DEPDC5: variants seen among roughly 807,000 people sequenced by gnomAD.
DEPDC5 encodes the protein GATOR1 complex protein DEPDC5.
Under a neutral mutation model 217.3 loss-of-function variants are expected in DEPDC5, and 73 were observed. The ratio of observed to expected loss-of-function variants is 0.34; its 90% CI spans 0.28 to 0.41. DEPDC5 has a LOEUF of 0.41. Among genes scored for constraint, DEPDC5 ranks in the 10% least tolerant of loss-of-function variants. DEPDC5 has a pLI of 1.00. For synonymous variants in DEPDC5, 733 were observed against 756.7 expected (o/e 0.97, Z 0.51); for missense variants, 1,675 against 2,070.1 (o/e 0.81, Z 3.70).
intron 38 of DEPDC5, among the ~76,000 whole-genome samples, chr22:31,885,058 T>C (rs1036764764): frequency 6.6e-6 from 1 of 152,200 alleles, no homozygotes; most frequent in Admixed American, 6.5e-5. Flanking sequence ...ACCTCTGCAC[T>C]GGCCTCCTGG....
intron 15 of DEPDC5, 122 bp from the exon 16 acceptor site, chr22:31,804,040 A>G (rs1359352430): frequency 1.0e-5 from 9 of 882,720 alleles, no homozygotes; most frequent in Admixed American, 2.2e-5. Context: ...CTATGAGGTT[A>G]TAAATCATAC....
Position 31,901,522 on chromosome 22 carries a change from A to G in DEPDC5, c.4376-220A>G, listed in dbSNP as rs1388676828. Among the ~76,000 whole-genome samples, 3 of 152,204 alleles carry G rather than the reference A, an allele frequency of 2.0e-5. No homozygotes were observed. The East Asian group carries it at 5.8e-4, about 29-fold the overall frequency. ...GGACTTCACCTTCCTAGACCCAGCTATAGCTTGCTTGGGGGAAGGGATGGT... is the reference window on the plus strand; with the variant it reads ...GGACTTCACCTTCCTAGACCCAGCTGTAGCTTGCTTGGGGGAAGGGATGGT... On this transcript the variant is annotated intron_variant, in intron 40 of 42. Transcript: ENST00000651528.
At position 31,815,359 on chromosome 22, in the gene DEPDC5, C is replaced by T. The variant is rs368935133; in HGVS notation, c.1666+147C>T. ...GTGCAGTAGGTACAAATCACTTTAG[C>T]TGTTAGCTATGTATATATTATACTT... On this transcript the variant is annotated intron_variant, in intron 21 of 42. Transcript: ENST00000651528. 82 of 771,396 alleles carry T rather than the reference C, an allele frequency of 1.1e-4. 1 individual carries two copies. The highest frequency in any genetic ancestry group is 2.4e-4 in the Middle Eastern group (1 of 4,194). The allele number at this position is 771,396 out of a possible 1,614,324, so 47.8% of individuals were successfully genotyped here. A position where few individuals can be genotyped will look rare whatever the true frequency, so the allele number is the denominator to read the frequency against.
At chr22:31,758,473 A>G in intron 2 of DEPDC5, 73 bp from the exon 3 acceptor site, 1 of 1,390,948 alleles carries the variant, frequency 7.2e-7, no homozygotes, top group Non-Finnish European at 1.0e-6. Context: ...TGGGGTTGTG[A>G]GGAACCAGTA....
chr22:31,813,578 G>A lies in DEPDC5; in HGVS notation c.1446-1414G>A, dbSNP rs528121736. 2.6e-4 allele frequency among the ~76,000 whole-genome samples: 40 copies of A among 152,052 alleles called. No homozygotes were observed. The South Asian group carries it at 4.4e-3, about 17-fold the overall frequency. ...GCCCCGTTGGTGGGCTTGCTTTTTC[G>A]TTCTGAGCTTTTGCTTCTCTATAGG... On this transcript the variant is annotated intron_variant, in intron 20 of 42. Transcript: ENST00000651528.
chr22:31,888,244 T>G (rs55880884), intron 38 of DEPDC5, among the ~76,000 whole-genome samples: 2,559 of 134,772 alleles, frequency 0.019, 33 homozygotes, highest in Middle Eastern at 0.047. Context: ...TCTGTGGTTT[T>G]TTTTTTTTTT....
chr22:31,850,822 G>C (rs932320381), intron 31 of DEPDC5, among the ~76,000 whole-genome samples: 3 of 152,174 alleles, frequency 2.0e-5, no homozygotes, highest in African/African-American at 7.2e-5. Context: ...TGTAATCCCA[G>C]CACTTTGGGA....
chr22:31,805,670 T>G lies in DEPDC5; in HGVS notation c.1218-452T>G, dbSNP rs573397103. ...TGCCTGCCGCCACGCCCGGCTAATT[T>G]TTGTATTTTTAGTAGAAACGAGATT... is the stretch of plus-strand genomic sequence containing the variant. On this transcript the variant is annotated intron_variant, in intron 17 of 42. Coordinates refer to ENST00000651528, the MANE Select transcript of DEPDC5 (RefSeq NM_001242896.3). 7.9e-5 allele frequency among the ~76,000 whole-genome samples: 12 copies of G among 152,242 alleles called. No homozygotes were observed. In the South Asian group the frequency reaches 2.5e-3, roughly 32 times the overall value.
At chr22:31,761,947 G>A (rs1288048963) in intron 4 of DEPDC5, among the ~76,000 whole-genome samples, 19 of 136,920 alleles carry the variant, frequency 1.4e-4, no homozygotes, top group East Asian at 4.2e-4. Flanking sequence ...CAGCCTGGGC[G>A]ACAGAGCGAG....
rs140027985 is a variant in DEPDC5, at chr22:31,777,879, C to G, written c.414-220C>G. 975 of 534,586 alleles carry G rather than the reference C, an allele frequency of 1.8e-3. 10 individuals are homozygous for G. The highest frequency in any genetic ancestry group is 0.017 in the African/African-American group (906 of 52,256). The allele number at this position is 534,586 out of a possible 1,614,324, so 33.1% of individuals were successfully genotyped here. ...TCTCCTGCCTTAGCCTCCTGAGTAGCTGGGACTACAGGCATGTGTCACCAT... is the reference window on the plus strand; with the variant it reads ...TCTCCTGCCTTAGCCTCCTGAGTAGGTGGGACTACAGGCATGTGTCACCAT... On this transcript the variant is annotated intron_variant, in intron 7 of 42. Coordinates refer to ENST00000651528, the MANE Select transcript of DEPDC5 (RefSeq NM_001242896.3).
At chr22:31,770,068 A>AG (rs1056705385) in intron 7 of DEPDC5, among the ~76,000 whole-genome samples, 2 of 149,678 alleles carry the variant, frequency 1.3e-5, no homozygotes, top group African/African-American at 4.9e-5. Flanking sequence ...TCTAAAAAAA[A>AG]GAGAAAAAAA....
chr22:31,827,331 A>C (rs1310391689), intron 24 of DEPDC5, among the ~76,000 whole-genome samples: 4 of 152,172 alleles, frequency 2.6e-5, no homozygotes, highest in African/African-American at 9.7e-5. Context: ...AAATTATTCA[A>C]ATTTTTATAA....
intron 7 of DEPDC5, among the ~76,000 whole-genome samples, chr22:31,777,641 A>G (rs532100492): frequency 5.3e-5 from 8 of 152,204 alleles, no homozygotes; most frequent in Admixed American, 4.6e-4. Flanking sequence ...AGAGTTCTTT[A>G]TATTGGATAA....
rs750485264 is a variant in DEPDC5 at position 31,906,944 on chromosome 22, T to G, written c.*447T>G. On this transcript the variant is annotated 3_prime_UTR_variant, in exon 43 of 43. Transcript: ENST00000651528. This position sits in a 1 kb window ranked among gnomAD's most constrained non-coding sequence, Gnocchi z 5.1. ...GATGTAAGATAATTTTGTGAAATAA[T>G]GTACCATAGACTCTCACCAACTGTA... is the stretch of plus-strand genomic sequence containing the variant. 6.2e-5 allele frequency: 15 copies of G among 243,642 alleles called. No homozygotes were observed. Among genetic ancestry groups the G allele is most frequent in the Non-Finnish European group, 3.2e-5 (4 of 124,208 alleles). The allele number at this position is 243,642 out of a possible 1,614,324, so 15.1% of individuals were successfully genotyped here.
intron 6 of DEPDC5, among the ~76,000 whole-genome samples, chr22:31,767,144 G>GT (rs11367950): frequency 1.0e-3 from 152 of 145,508 alleles, no homozygotes; most frequent in South Asian, 2.2e-3. Context: ...TGTATTCATT[G>GT]TTTTTTTTTT....
At chr22:31,761,967 C>CAAAA (rs776677814) in intron 4 of DEPDC5, among the ~76,000 whole-genome samples, 1 of 61,348 alleles carries the variant, frequency 1.6e-5, no homozygotes. Flanking sequence ...GACTCCGGCT[C>CAAAA]AAAAAAAAAA....
At chr22:31,902,408 T>TTTTATATATATATATATATATA (rs1491391820) in intron 41 of DEPDC5, among the ~76,000 whole-genome samples, 5 of 111,944 alleles carry the variant, frequency 4.5e-5, no homozygotes, top group African/African-American at 6.9e-5. Flanking sequence ...CATCTCCTTA[T>TTTTATATATATATATATATATA]TATATATATA....
At chr22:31,858,835 T>A (rs2092399862) in intron 32 of DEPDC5, 1 of 152,210 alleles carries the variant, frequency 6.6e-6, no homozygotes, top group East Asian at 1.9e-4. Context: ...GCAGTGAATA[T>A]GCTTGGAATA....
At chr22:31,892,659 G>T (rs986203832) in intron 38 of DEPDC5, among the ~76,000 whole-genome samples, 3 of 151,860 alleles carry the variant, frequency 2.0e-5, no homozygotes, top group African/African-American at 7.2e-5. Flanking sequence ...ACTCCAGCCC[G>T]GGTGACATAG....
Sources: gnomAD v4.1 joint callset for allele counts (sites outside exome capture counted in the v4.1 genomes callset) on GRCh38, gnomAD v4.1.1 for gene constraint, Gnocchi (gnomAD v3.1) non-coding constraint, MANE v1.5 for transcripts, NCBI Gene and HGNC (gene_info 2026-07-23, HGNC 2026-07-21) for gene names.